TPST1: variants seen among roughly 807,000 people sequenced by gnomAD.
TPST1 encodes protein-tyrosine sulfotransferase 1.
Under a neutral mutation model 34.8 loss-of-function variants are expected in TPST1, and 20 were observed. The observed-to-expected ratio is 0.57, with a 90% CI of 0.40 to 0.84. TPST1 has a LOEUF of 0.84. Ranked by LOEUF, TPST1 falls within the 40% of genes least tolerant of loss-of-function variation. TPST1 has a pLI of 0.00. For synonymous variants in TPST1, 152 were observed against 159.4 expected (o/e 0.95, Z 0.35); for missense variants, 353 against 455.5 (o/e 0.78, Z 2.05).
intron 3 of TPST1, among the ~76,000 whole-genome samples, chr7:66,293,332 A>C (rs1452668386): frequency 1.3e-5 from 2 of 151,736 alleles, no homozygotes; most frequent in Non-Finnish European, 2.9e-5. Context: ...TGAGACCCCC[A>C]TCTCTACAAA....
At chr7:66,260,111 A>G (rs1467665151) in intron 2 of TPST1, among the ~76,000 whole-genome samples, 3 of 152,196 alleles carry the variant, frequency 2.0e-5, no homozygotes, top group African/African-American at 4.8e-5. Context: ...ACTGCTGTCA[A>G]TACAGCTTAA....
upstream of TPST1, among the ~76,000 whole-genome samples, chr7:66,204,281 G>C (rs1789075453): frequency 6.6e-6 from 1 of 152,184 alleles, no homozygotes; most frequent in Non-Finnish European, 1.5e-5. Flanking sequence ...ATATTATACT[G>C]TGTGCAAAGG....
chr7:66,299,553 A>T (rs1260972096), intron 3 of TPST1, among the ~76,000 whole-genome samples: 2 of 151,944 alleles, frequency 1.3e-5, no homozygotes, highest in African/African-American at 4.8e-5. Flanking sequence ...ATTATAATAT[A>T]CCAAATTCGT....
rs140646622 is a variant in TPST1, at chr7:66,311,995, G to A, written c.1044+25286G>A. 2.7e-3 allele frequency among the ~76,000 whole-genome samples: 407 copies of A among 152,312 alleles called. 3 individuals are homozygous for A. The highest frequency in any genetic ancestry group is 9.3e-3 in the African/African-American group (386 of 41,572). ...TCCTTTTGGGGCTAATGAGTTTCAT[G>A]CACTTGTATTTGCTGTGTAAAGTAG... On this transcript the variant is annotated intron_variant, in intron 3 of 5. Coordinates refer to ENST00000304842, the MANE Select transcript of TPST1 (RefSeq NM_003596.4).
intron 3 of TPST1, among the ~76,000 whole-genome samples, chr7:66,350,563 A>G (rs1792456447): frequency 6.6e-6 from 1 of 152,144 alleles, no homozygotes; most frequent in South Asian, 2.1e-4. Context: ...AGTTTTAGGC[A>G]TTGCAGGAAA....
At chr7:66,253,744 T>C (rs542252350) in intron 2 of TPST1, among the ~76,000 whole-genome samples, 4 of 151,514 alleles carry the variant, frequency 2.6e-5, no homozygotes, top group Non-Finnish European at 4.4e-5. Flanking sequence ...TTTTAGAAAA[T>C]GTCTTCGAGT....
intron 1 of TPST1, among the ~76,000 whole-genome samples, chr7:66,228,549 A>G (rs996706139): frequency 6.6e-6 from 1 of 152,210 alleles, no homozygotes; most frequent in East Asian, 1.9e-4. Flanking sequence ...TCATTCCTGT[A>G]TAACTGTATA....
At chr7:66,234,992 A>C (rs1402032335) in intron 1 of TPST1, among the ~76,000 whole-genome samples, 2 of 151,898 alleles carry the variant, frequency 1.3e-5, no homozygotes, top group Non-Finnish European at 2.9e-5. Context: ...CTTTTTTTGA[A>C]TCTGTAATAT....
chr7:66,271,562 C>T (rs1790705830), intron 2 of TPST1, among the ~76,000 whole-genome samples: 3 of 152,128 alleles, frequency 2.0e-5, no homozygotes, highest in Admixed American at 2.0e-4. Flanking sequence ...AACCACCATC[C>T]TACTCTGCTT....
intron 2 of TPST1, among the ~76,000 whole-genome samples, chr7:66,279,649 G>A (rs915504745): frequency 6.6e-6 from 1 of 152,064 alleles, no homozygotes; most frequent in South Asian, 2.1e-4. Context: ...GATCAGAAAC[G>A]GTCTTTGTTT....
At chr7:66,265,926 G>C (rs572388801) in intron 2 of TPST1, among the ~76,000 whole-genome samples, 4 of 152,100 alleles carry the variant, frequency 2.6e-5, no homozygotes, top group Non-Finnish European at 4.4e-5. Context: ...AGAGAAAGAA[G>C]ATATTCCTCA....
In TPST1 at chr7:66,322,539, C is replaced by A. The variant is rs1255341300; in HGVS notation, c.1045-29966C>A. On this transcript the variant is annotated intron_variant, in intron 3 of 5. Transcript: ENST00000304842. ...GAGTTAGCATAATGTCCTCAAGTTT[C>A]ATCCATGTTACAGGATGTGACAGGA... is the stretch of plus-strand genomic sequence containing the variant. Among the ~76,000 whole-genome samples the A allele has an allele frequency of 2.0e-5, 3 of 152,216 alleles. No individual in the cohort carries two copies. In the East Asian group the frequency reaches 5.8e-4, roughly 29 times the overall value.
intron 1 of TPST1, among the ~76,000 whole-genome samples, chr7:66,227,794 A>G (rs1298605302): frequency 6.6e-6 from 1 of 152,038 alleles, no homozygotes; most frequent in East Asian, 1.9e-4. Flanking sequence ...TATTTATTAA[A>G]TCCTTTATAA....
In TPST1 at chr7:66,313,427, AT is replaced by A. The variant is rs1791571933; in HGVS notation, c.1044+26719del. 2.0e-5 allele frequency among the ~76,000 whole-genome samples: 3 copies of A among 152,168 alleles called. No individual in the cohort carries two copies. The East Asian group carries it at 5.8e-4, about 29-fold the overall frequency. On this transcript the variant is annotated intron_variant, in intron 3 of 5. Coordinates refer to ENST00000304842, the MANE Select transcript of TPST1 (RefSeq NM_003596.4). ...GAGACTTGATCTCAAAAAAAATAAAATAATAAAATAAAATAAACAAATTATG... is the reference window on the plus strand; with the variant it reads ...GAGACTTGATCTCAAAAAAAATAAAAAATAAAATAAAATAAACAAATTATG...
At chr7:66,298,516 T>A (rs930843759) in intron 3 of TPST1, among the ~76,000 whole-genome samples, 3 of 152,230 alleles carry the variant, frequency 2.0e-5, no homozygotes, top group Non-Finnish European at 4.4e-5. Context: ...AATCTGTGTC[T>A]TTATATAGCT....
intron 2 of TPST1, among the ~76,000 whole-genome samples, chr7:66,260,496 T>A (rs1790467431): frequency 6.6e-6 from 1 of 152,228 alleles, no homozygotes; most frequent in Non-Finnish European, 1.5e-5. Context: ...AATAACTGTT[T>A]TAATGCATTT....
intron 4 of TPST1, among the ~76,000 whole-genome samples, chr7:66,355,617 G>A (rs1291970956): frequency 1.3e-5 from 2 of 151,720 alleles, no homozygotes; most frequent in Non-Finnish European, 2.9e-5. Flanking sequence ...TAGCTGGGCA[G>A]GGCCAGGCGT....
intron 1 of TPST1, among the ~76,000 whole-genome samples, chr7:66,223,521 A>G (rs1247868312): frequency 6.6e-6 from 1 of 151,220 alleles, no homozygotes; most frequent in African/African-American, 2.4e-5. Context: ...AACTTGAGTT[A>G]CCGAATAAGA....
At chr7:66,204,541 C>T (rs540838284), upstream of TPST1, among the ~76,000 whole-genome samples, 265 of 152,344 alleles carry the variant, frequency 1.7e-3, no homozygotes, top group African/African-American at 4.6e-3. Flanking sequence ...TTGAATACAG[C>T]TGTTAGATTC....
Sources: gnomAD v4.1 joint callset for allele counts (sites outside exome capture counted in the v4.1 genomes callset) on GRCh38, gnomAD v4.1.1 for gene constraint, MANE v1.5 for transcripts, NCBI Gene and HGNC (gene_info 2026-07-23, HGNC 2026-07-21) for gene names.